HUWE1: variants seen among roughly 807,000 people sequenced by gnomAD.
HUWE1 encodes the protein E3 ubiquitin-protein ligase HUWE1.
Under a neutral mutation model 299.4 loss-of-function variants are expected in HUWE1, and 18 were observed. The observed-to-expected ratio is 0.06, with a 90% CI of 0.04 to 0.09. The LOEUF is 0.09. Among genes scored for constraint, HUWE1 ranks in the 10% least tolerant of loss-of-function variants. The pLI, the probability that HUWE1 is intolerant of heterozygous loss-of-function variation, is 1.00. For synonymous variants in HUWE1, 1,317 were observed against 1,286.1 expected (o/e 1.02, Z -0.51); for missense variants, 1,832 against 3,462.3 (o/e 0.53, Z 11.82).
intron 31 of HUWE1, among the ~76,000 whole-genome samples, chrX:53,594,053 C>T (rs1466045267): frequency 1.8e-5 from 2 of 110,529 alleles, no homozygotes; most frequent in African/African-American, 6.6e-5. Context: ...GTTGAGTTTG[C>T]GCCACTGCAC....
chrX:53,575,096 T>C, intron 46 of HUWE1, 59 bp downstream of exon 46: 1 of 917,104 alleles, frequency 1.1e-6, no homozygotes, highest in Admixed American at 2.4e-5. Flanking sequence ...CACCTACAGT[T>C]TTTTCAAGTT....
intron 3 of HUWE1, among the ~76,000 whole-genome samples, chrX:53,673,455 A>G (rs916749008): frequency 7.2e-5 from 8 of 111,647 alleles, no homozygotes; most frequent in Non-Finnish European, 7.5e-5. Context: ...TACAGCCTGA[A>G]GGTAATTTTA....
In HUWE1 at chrX:53,615,109, C is replaced by T. The variant is rs146923934; in HGVS notation, c.2050-364G>A. Reference sequence around the variant, plus strand: ...GGGGGCAGCCACAGGGATCAACAAACGGAGACTAGAAAGGGTAATATGCTT... The same window carrying T: ...GGGGGCAGCCACAGGGATCAACAAATGGAGACTAGAAAGGGTAATATGCTT... On this transcript the variant is annotated intron_variant, in intron 22 of 83. Transcript: ENST00000262854. Among the ~76,000 whole-genome samples, 988 of 109,644 alleles carry T rather than the reference C, an allele frequency of 9.0e-3. 9 individuals are homozygous for T. The highest frequency in any genetic ancestry group is 0.014 in the Non-Finnish European group (739 of 52,730).
intron 61 of HUWE1, 42 bp from the exon 62 acceptor site, chrX:53,552,935 A>G (rs1450845965): frequency 1.7e-6 from 2 of 1,200,735 alleles, no homozygotes; most frequent in Non-Finnish European, 2.3e-6. Flanking sequence ...TCTATCTGGA[A>G]CCGGGGCAAA....
At chrX:53,663,420 G>A (rs946831684) in intron 3 of HUWE1, among the ~76,000 whole-genome samples, 1 of 111,287 alleles carries the variant, frequency 9.0e-6, no homozygotes, top group Non-Finnish European at 1.9e-5. Flanking sequence ...GGCTGAGGCA[G>A]GAGAATCGCT....
chrX:53,654,006 T>C, intron 4 of HUWE1, 57 bp downstream of exon 4: 2 of 861,864 alleles, frequency 2.3e-6, no homozygotes, highest in Non-Finnish European at 3.4e-6. Context: ...TGTTCACAAA[T>C]ATTTTTTTAT....
Position 53,546,777 on chromosome X carries a change from C to T in HUWE1, c.10685G>A (p.Gly3562Glu). 8.3e-7 allele frequency: 1 copy of T among 1,210,027 alleles called. No individual in the cohort carries two copies. Among genetic ancestry groups the T allele is most frequent in the Non-Finnish European group, 1.1e-6 (1 of 894,347 alleles). ...GSKSPAKVSD[G>E]GSSSTDFKMV... ...CTTAAAGTCTGTACTGCTGCTGCCC[C>T]CATCACTCACCTTCGCTGGAGATTT... Residue 3562 changes from glycine (G) to glutamate (E), a missense_variant, in exon 69 of 84, where the codon GGG becomes GAG. Transcript: ENST00000262854.
chrX:53,578,614 G>A (rs1220809123), intron 43 of HUWE1, among the ~76,000 whole-genome samples: 4 of 91,337 alleles, frequency 4.4e-5, no homozygotes, highest in Admixed American at 1.1e-4. Context: ...CAGCCGCCCC[G>A]TCCGGGAGGG....
At chrX:53,589,057 T>C (rs1331684645) in intron 36 of HUWE1, among the ~76,000 whole-genome samples, 1 of 112,699 alleles carries the variant, frequency 8.9e-6, no homozygotes, top group Non-Finnish European at 1.9e-5. Flanking sequence ...TAAAACAAGA[T>C]TCCAGTAACT....
rs781982959 is a variant in HUWE1 at position 53,602,854 on chromosome X, CT to C, written c.2877-197del. 3.8e-3 allele frequency among the ~76,000 whole-genome samples: 368 copies of C among 96,704 alleles called. 2 individuals are homozygous for C. Among genetic ancestry groups the C allele is most frequent in the Middle Eastern group, 0.01 (2 of 196 alleles). 84.0% of individuals were successfully genotyped at this position (96,704 alleles called of 115,157 possible). A position where few individuals can be genotyped will look rare whatever the true frequency, so the allele number is the denominator to read the frequency against. ...CAAGCTTTCCAATTCTTTTTTTTTT[CT>C]TTTTTTTTTTTTGGAGACCCAGTCT... On this transcript the variant is annotated intron_variant, in intron 27 of 83. Coordinates refer to ENST00000262854, the MANE Select transcript of HUWE1 (RefSeq NM_031407.7).
chrX:53,533,891 C>G, intron 83 of HUWE1, 116 bp downstream of exon 83: 2 of 710,196 alleles, frequency 2.8e-6, no homozygotes, highest in South Asian at 2.2e-5. Context: ...TGTGAGTTAC[C>G]CAAGGTCCAG....
intron 67 of HUWE1, 117 bp downstream of exon 67, chrX:53,548,842 G>T: frequency 1.6e-6 from 1 of 615,022 alleles, no homozygotes; most frequent in Non-Finnish European, 2.7e-6. Flanking sequence ...ACAATACAGG[G>T]CTCAACACTT....
chrX:53,560,529 G>C lies in HUWE1; in HGVS notation c.7508-113C>G, dbSNP rs2062236172. The C allele has an allele frequency of 9.5e-6, 6 of 630,405 alleles. 1 individual carries two copies. The highest frequency in any genetic ancestry group is 5.1e-5 in the South Asian group (2 of 39,170). 52.0% of individuals were successfully genotyped at this position (630,405 alleles called of 1,213,427 possible). On this transcript the variant is annotated intron_variant, in intron 55 of 83. Coordinates refer to ENST00000262854, the MANE Select transcript of HUWE1 (RefSeq NM_031407.7). ...TTCCTCACACGGAAACCTGAGCTTT[G>C]TCCTTTCTCCCTCATTCCCACAACT...
Position 53,620,461 on chromosome X carries a change from A to C in HUWE1, c.1673-3015T>G, listed in dbSNP as rs782333317. On this transcript the variant is annotated intron_variant, in intron 19 of 83. Coordinates refer to ENST00000262854, the MANE Select transcript of HUWE1 (RefSeq NM_031407.7). ...TCACCATGTTGCCCAGGCTGGTCTC[A>C]AACTCCTGGGCTCAAGGCTCAAGCA... Among the ~76,000 whole-genome samples, 8 of 110,659 alleles carry C rather than the reference A, an allele frequency of 7.2e-5. No individual in the cohort carries two copies. In the South Asian group the frequency reaches 3.1e-3, roughly 44 times the overall value.
chrX:53,611,849 C>T (rs1325574988), intron 23 of HUWE1, among the ~76,000 whole-genome samples: 4 of 104,402 alleles, frequency 3.8e-5, no homozygotes, highest in Non-Finnish European at 7.8e-5. Context: ...TGTAGTGAGA[C>T]TCTGTCTCAA....
chrX:53,571,345 CTCA>C (rs1259541320), intron 47 of HUWE1, among the ~76,000 whole-genome samples: 1 of 112,574 alleles, frequency 8.9e-6, no homozygotes, highest in Admixed American at 9.4e-5. Context: ...GGTGTGATGG[CTCA>C]TGCCTGTAAT....
At chrX:53,638,663 A>G (rs782548195) in intron 7 of HUWE1, among the ~76,000 whole-genome samples, 1 of 112,386 alleles carries the variant, frequency 8.9e-6, no homozygotes, top group Admixed American at 9.4e-5. Context: ...GGAACTTTAT[A>G]GCAATGCAAA....
Position 53,662,390 on chromosome X carries a change from G to A in HUWE1, c.-24-8259C>T, listed in dbSNP as rs782675970. Among the ~76,000 whole-genome samples, 8 of 111,470 alleles carry A rather than the reference G, an allele frequency of 7.2e-5. No homozygotes were observed. The East Asian group carries it at 2.2e-3, about 31-fold the overall frequency. ...GAACACTCTAATTTCTAAGTTCGCC[G>A]CTGGAATGTTTTTGCCACCCCTCCT... On this transcript the variant is annotated intron_variant, in intron 3 of 83. Transcript: ENST00000262854.
At chrX:53,637,690 A>T (rs1391267285) in intron 7 of HUWE1, among the ~76,000 whole-genome samples, 2 of 112,545 alleles carry the variant, frequency 1.8e-5, no homozygotes, top group Admixed American at 9.4e-5. Flanking sequence ...TGACTCACGA[A>T]AGTCTGTGCT....
Sources: allele counts gnomAD v4.1 joint callset (sites outside exome capture counted in the v4.1 genomes callset), GRCh38; gene constraint gnomAD v4.1.1; transcripts MANE v1.5; gene names NCBI Gene and HGNC (gene_info 2026-07-23, HGNC 2026-07-21).